Variants in GALNT13 observed in about 807,000 individuals in gnomAD.
GALNT13 encodes polypeptide N-acetylgalactosaminyltransferase 13, also known as UDP-GalNAc:polypeptide N-acetylgalactosaminyltransferase 13.
GALNT13 carries 28 observed loss-of-function variants against 64.2 expected under a neutral mutation model. The observed-to-expected ratio is 0.44, with a 90% CI of 0.32 to 0.60. The LOEUF is 0.60. Among genes scored for constraint, GALNT13 ranks in the 20% least tolerant of loss-of-function variants. The pLI is 0.05. For missense variants in GALNT13, 577 were observed against 669.8 expected, an observed-to-expected ratio of 0.86 and a Z score of 1.53; for synonymous variants, 214 against 224.6, an observed-to-expected ratio of 0.95 and a Z score of 0.42.
At chr2:154,013,033 G>A (rs1009328730) in intron 3 of GALNT13, among the ~76,000 whole-genome samples, 2 of 149,350 alleles carry the variant, frequency 1.3e-5, no homozygotes, top group Non-Finnish European at 3.0e-5. Flanking sequence ...TCATTCCTGT[G>A]TATATTTTGT....
chr2:154,261,995 A>G (rs540561345), intron 8 of GALNT13, among the ~76,000 whole-genome samples: 1 of 152,280 alleles, frequency 6.6e-6, no homozygotes, highest in Non-Finnish European at 1.5e-5. Context: ...GCAAAGACTT[A>G]TTTGTAACAT....
At chr2:154,352,893 C>T (rs1696491535) in intron 9 of GALNT13, among the ~76,000 whole-genome samples, 1 of 152,194 alleles carries the variant, frequency 6.6e-6, no homozygotes, top group Non-Finnish European at 1.5e-5. Context: ...CTCCTTTTGG[C>T]AGCATCAAGT....
At chr2:153,203,873 C>CAA in the GALNT13 span, among the ~76,000 whole-genome samples, 1 of 70,206 alleles carries the variant, frequency 1.4e-5, no homozygotes, top group Non-Finnish European at 4.9e-5. Flanking sequence ...TGTAGCGTGT[C>CAA]TACACACACA....
chr2:153,256,672 C>T, the GALNT13 span, among the ~76,000 whole-genome samples: 1 of 152,110 alleles, frequency 6.6e-6, no homozygotes, highest in South Asian at 2.1e-4. Flanking sequence ...TGTTAGTTTT[C>T]CTTCTAACAG....
chr2:154,222,827 C>A (rs1688388308), intron 4 of GALNT13, among the ~76,000 whole-genome samples: 2 of 152,168 alleles, frequency 1.3e-5, no homozygotes, highest in South Asian at 2.1e-4. Flanking sequence ...AGAGAAGCAT[C>A]ATTGAAGTGG....
intron 8 of GALNT13, among the ~76,000 whole-genome samples, chr2:154,267,591 G>GA (rs1246536256): frequency 1.3e-5 from 2 of 152,178 alleles, no homozygotes; most frequent in Non-Finnish European, 2.9e-5. Context: ...AGTGAGCCGA[G>GA]ATAGTGCCAC....
intron 11 of GALNT13, among the ~76,000 whole-genome samples, chr2:154,414,495 C>T (rs947749616): frequency 6.4e-5 from 8 of 125,622 alleles, no homozygotes; most frequent in African/African-American, 2.5e-4. Context: ...AGTGGCCAAC[C>T]CTGTGTATTA....
chr2:153,930,212 A>G (rs1406763663), intron 2 of GALNT13, among the ~76,000 whole-genome samples: 3 of 151,930 alleles, frequency 2.0e-5, no homozygotes, highest in Admixed American at 2.0e-4. Context: ...TTGTTTATTT[A>G]AGTTCCTTAT....
chr2:154,009,336 CCTG>C (rs1016046894), intron 3 of GALNT13, among the ~76,000 whole-genome samples: 1 of 151,760 alleles, frequency 6.6e-6, no homozygotes, highest in Non-Finnish European at 1.5e-5. Context: ...TTATGTGTTG[CCTG>C]CTGCTTTTTT....
At chr2:153,149,863 C>G in the GALNT13 span, among the ~76,000 whole-genome samples, 1 of 151,830 alleles carries the variant, frequency 6.6e-6, no homozygotes, top group Non-Finnish European at 1.5e-5. Flanking sequence ...AGAAAACATT[C>G]TCTCTAGCAG....
chr2:153,352,301 G>A, the GALNT13 span, among the ~76,000 whole-genome samples: 8 of 152,048 alleles, frequency 5.3e-5, no homozygotes, highest in East Asian at 5.8e-4. Context: ...TTTAAATTGA[G>A]TTGTTTGTTT....
chr2:153,719,867 G>A, the GALNT13 span, among the ~76,000 whole-genome samples: 5,247 of 151,936 alleles, frequency 0.035, 121 homozygotes, highest in Non-Finnish European at 0.048. Context: ...ACTGCAAGGC[G>A]GCAGCGAGGC....
intron 12 of GALNT13, among the ~76,000 whole-genome samples, chr2:154,449,052 A>G (rs894427889): frequency 2.6e-5 from 4 of 151,984 alleles, no homozygotes; most frequent in Non-Finnish European, 5.9e-5. Context: ...CAAGCTGGCT[A>G]CTGGTTGAAT....
At chr2:153,555,453 C>G in the GALNT13 span, among the ~76,000 whole-genome samples, 183 of 104,774 alleles carry the variant, frequency 1.7e-3, 28 homozygotes, top group African/African-American at 6.7e-3. Context: ...CTCGGCCTCC[C>G]AAAGTGCTGG....
intron 3 of GALNT13, among the ~76,000 whole-genome samples, chr2:154,086,757 T>C (rs1413421119): frequency 1.3e-5 from 2 of 148,186 alleles, no homozygotes; most frequent in Non-Finnish European, 3.0e-5. Flanking sequence ...TTAAGTTATA[T>C]GTTAGCATAC....
intron 3 of GALNT13, among the ~76,000 whole-genome samples, chr2:153,979,634 C>G (rs911773240): frequency 6.6e-6 from 1 of 152,014 alleles, no homozygotes; most frequent in Admixed American, 6.5e-5. Context: ...AATACAAATG[C>G]GCATCATAAT....
At chr2:153,878,924 T>C (rs1686580575) in intron 1 of GALNT13, among the ~76,000 whole-genome samples, 1 of 152,194 alleles carries the variant, frequency 6.6e-6, no homozygotes, top group Non-Finnish European at 1.5e-5. Context: ...ATTAGTTTCA[T>C]TTCTACCAAA....
chr2:154,118,839 G>A (rs1298657309), intron 3 of GALNT13, among the ~76,000 whole-genome samples: 1 of 152,016 alleles, frequency 6.6e-6, no homozygotes, highest in South Asian at 2.1e-4. Context: ...ACTCTGGACT[G>A]TTACTCCTCC....
intron 3 of GALNT13, among the ~76,000 whole-genome samples, chr2:154,129,064 G>A (rs193235040): frequency 8.4e-4 from 127 of 152,064 alleles, no homozygotes; most frequent in African/African-American, 3.0e-3. Flanking sequence ...AGAGATCAGT[G>A]ATATTTTAAC....
Sources: allele counts gnomAD v4.1 joint callset (sites outside exome capture counted in the v4.1 genomes callset), GRCh38; gene constraint gnomAD v4.1.1; transcripts MANE v1.5; gene names NCBI Gene and HGNC (gene_info 2026-07-23, HGNC 2026-07-21).